The following ADORA2A variants were observed in gnomAD, a reference collection of about 807,000 sequenced individuals.
The protein encoded by ADORA2A is adenosine receptor A2a.
In ADORA2A, 11 loss-of-function variants were observed where a neutral mutation model predicts 18.4. The observed-to-expected ratio is 0.60, with a 90% CI of 0.38 to 0.99. The LOEUF (loss-of-function observed/expected upper bound fraction) is 0.99, where lower values mean the gene tolerates loss of function less well. Among genes scored for constraint, ADORA2A ranks in the 50% least tolerant of loss-of-function variants. The probability of loss-of-function intolerance (pLI) is 0.01; values close to 1 mark genes in which losing one functional copy is unlikely to be tolerated. For missense variants in ADORA2A, 449 were observed against 556.1 expected (o/e 0.81, Z 1.94); for synonymous variants, 218 against 237.3 (o/e 0.92, Z 0.75).
rs2043099408 is a variant in ADORA2A at position 24,433,527 on chromosome 22, C to G, written c.123C>G (p.Thr41=). 1 of 1,614,118 alleles carries G rather than the reference C, an allele frequency of 6.2e-7. No homozygotes were observed. The highest frequency in any genetic ancestry group is 1.7e-5 in the Admixed American group (1 of 60,014). Residue 41 remains threonine (T), a synonymous_variant, in exon 2 of 3, where the codon ACC becomes ACG. Coordinates refer to ENST00000337539, the MANE Select transcript of ADORA2A (RefSeq NM_000675.6). ...TCAACAGCAACCTGCAGAACGTCACCAACTACTTTGTGGTGTCACTGGCGG... is the reference window on the plus strand; with the variant it reads ...TCAACAGCAACCTGCAGAACGTCACGAACTACTTTGTGGTGTCACTGGCGG... ...VWLNSNLQNV[T]NYFVVSLAAA... is the part of the protein sequence containing the mutation.
rs1370633042 is a variant in ADORA2A, at chr22:24,433,517, A to T, written c.113A>T (p.Gln38Leu). 6.2e-7 allele frequency: 1 copy of T among 1,614,234 alleles called. No homozygotes were observed. The highest frequency in any genetic ancestry group is 8.5e-7 in the Non-Finnish European group (1 of 1,180,050). ...GCCGTGTGGCTCAACAGCAACCTGCAGAACGTCACCAACTACTTTGTGGTG... is the reference window on the plus strand; with the variant it reads ...GCCGTGTGGCTCAACAGCAACCTGCTGAACGTCACCAACTACTTTGTGGTG... ...CWAVWLNSNLQNVTNYFVVSL... is the reference protein window; with the variant it reads ...CWAVWLNSNLLNVTNYFVVSL... Residue 38 changes from glutamine (Q) to leucine (L), a missense_variant, in exon 2 of 3, where the codon CAG becomes CTG. Coordinates refer to ENST00000337539, the MANE Select transcript of ADORA2A (RefSeq NM_000675.6).
chr22:24,430,003 G>C (rs2042990434), intron 1 of ADORA2A: 1 of 152,320 alleles, frequency 6.6e-6, no homozygotes. Flanking sequence ...CTGTAAGTCA[G>C]GGTGCCCCCG....
upstream of ADORA2A, among the ~76,000 whole-genome samples, chr22:24,425,153 CG>C (rs1233031588): frequency 6.6e-6 from 1 of 151,958 alleles, no homozygotes; most frequent in African/African-American, 2.4e-5. Context: ...GGCACCCTGC[CG>C]ATACTCCATG....
At chr22:24,435,863 TGCA>T (rs2043160630) in intron 2 of ADORA2A, among the ~76,000 whole-genome samples, 1 of 152,214 alleles carries the variant, frequency 6.6e-6, no homozygotes, top group Admixed American at 6.5e-5. Context: ...CATGAGGCTC[TGCA>T]AGGCTTAGGC....
In ADORA2A at chr22:24,427,643, C is replaced by T. The variant is rs965358771; in HGVS notation, c.-378C>T. ...AGGGACTGTGACATGGAGCAGGAGC[C>T]GCCCCCAGCCAAGCTGCTTTCAGCA... On this transcript the variant is annotated 5_prime_UTR_variant, in exon 1 of 3. Coordinates refer to ENST00000337539, the MANE Select transcript of ADORA2A (RefSeq NM_000675.6). 6.6e-6 allele frequency: 1 copy of T among 152,526 alleles called. No homozygotes were observed. The highest frequency in any genetic ancestry group is 2.4e-5 in the African/African-American group (1 of 41,582). 9.4% of individuals were successfully genotyped at this position (152,526 alleles called of 1,614,324 possible).
Position 24,433,733 on chromosome 22 carries a change from T to A in ADORA2A, c.329T>A (p.Leu110His). The change falls in exon 2 of 3, where the codon CTC becomes CAC. Residue 110 changes from leucine (L) to histidine (H), a missense_variant. Coordinates refer to ENST00000337539, the MANE Select transcript of ADORA2A (RefSeq NM_000675.6). Reference sequence around the variant, plus strand: ...CGCTACATTGCCATCCGCATCCCGCTCCGGTGAGCAGGGCCGGGGTTACAT... The same window carrying A: ...CGCTACATTGCCATCCGCATCCCGCACCGGTGAGCAGGGCCGGGGTTACAT... ...IDRYIAIRIP[L>H]RYNGLVTGTR... 1 of 1,604,656 alleles carries A rather than the reference T, an allele frequency of 6.2e-7. No homozygotes were observed. The highest frequency in any genetic ancestry group is 2.2e-5 in the East Asian group (1 of 44,868).
chr22:24,437,214 G>C (rs1223541545), intron 2 of ADORA2A, among the ~76,000 whole-genome samples: 3 of 152,226 alleles, frequency 2.0e-5, no homozygotes, highest in Non-Finnish European at 2.9e-5. Context: ...GGGACACAGA[G>C]CTGCAGAGGG....
At chr22:24,427,926 C>T (rs958232055) in intron 1 of ADORA2A, among the ~76,000 whole-genome samples, 180 bp downstream of exon 1, 1 of 152,196 alleles carries the variant, frequency 6.6e-6, no homozygotes, top group African/African-American at 2.4e-5. Flanking sequence ...GGAGCTGGGT[C>T]TTGGCCCCAT....
rs140385644 is a variant in ADORA2A at position 24,437,097 on chromosome 22, G to A, written c.332+3361G>A. Among the ~76,000 whole-genome samples, 109 of 152,314 alleles carry A rather than the reference G, an allele frequency of 7.2e-4. 1 individual carries two copies. The East Asian group carries it at 8.5e-3, about 12-fold the overall frequency. ...CCACCTACTCCTCAGGTTGGGACAT[G>A]TGCACATAAAGCCCCAGCTGGAATC... On this transcript the variant is annotated intron_variant, in intron 2 of 2. Transcript: ENST00000337539.
At chr22:24,424,312 C>A (rs111819122), upstream of ADORA2A, 1,816 of 151,066 alleles carry the variant, frequency 0.012, 18 homozygotes, top group Middle Eastern at 0.035. This position sits in a 1 kb window ranked among gnomAD's most constrained non-coding sequence, Gnocchi z 4.9. Flanking sequence ...AAGGCAAGTG[C>A]GGCGGCCGGC....
intron 2 of ADORA2A, among the ~76,000 whole-genome samples, chr22:24,440,080 C>T (rs1395825619): frequency 2.0e-5 from 3 of 152,158 alleles, no homozygotes; most frequent in African/African-American, 7.2e-5. Flanking sequence ...CTGGCTGGTG[C>T]TGCCCCTAGC....
intron 2 of ADORA2A, among the ~76,000 whole-genome samples, chr22:24,434,856 T>C (rs1036924841): frequency 2.0e-5 from 3 of 152,196 alleles, no homozygotes; most frequent in Non-Finnish European, 4.4e-5. Flanking sequence ...AAAATGAGCC[T>C]CAGAGAAGAC....
rs933463778 is a variant in ADORA2A at position 24,441,631 on chromosome 22, C to T, written c.*142C>T. 11 of 846,054 alleles carry T rather than the reference C, an allele frequency of 1.3e-5. No individual in the cohort carries two copies. The highest frequency in any genetic ancestry group is 7.4e-5 in the Admixed American group (2 of 27,184). 52.4% of individuals were successfully genotyped at this position (846,054 alleles called of 1,614,324 possible). A position where few individuals can be genotyped will look rare whatever the true frequency, so the allele number is the denominator to read the frequency against. ...CCTACTTTGGACTGAGAGAAGGGAGCCCCAGGCTGGAGCAGCATGAGGCCC... is the reference window on the plus strand; with the variant it reads ...CCTACTTTGGACTGAGAGAAGGGAGTCCCAGGCTGGAGCAGCATGAGGCCC... On this transcript the variant is annotated 3_prime_UTR_variant, in exon 3 of 3. Transcript: ENST00000337539.
chr22:24,427,915 G>A (rs1236139064), intron 1 of ADORA2A, among the ~76,000 whole-genome samples, 169 bp downstream of exon 1: 1 of 152,202 alleles, frequency 6.6e-6, no homozygotes, highest in Non-Finnish European at 1.5e-5. Context: ...TCCAGCTGCA[G>A]GGAGCTGGGT....
chr22:24,437,951 G>A (rs930583696), intron 2 of ADORA2A, among the ~76,000 whole-genome samples: 8 of 152,254 alleles, frequency 5.3e-5, no homozygotes, highest in Non-Finnish European at 1.2e-4. Flanking sequence ...GACTGCCTGG[G>A]AATGTGGGCG....
At chr22:24,440,184 C>A (rs1005635688) in intron 2 of ADORA2A, among the ~76,000 whole-genome samples, 1 of 152,160 alleles carries the variant, frequency 6.6e-6, no homozygotes, top group Non-Finnish European at 1.5e-5. Context: ...AAGGCTGCGA[C>A]CAACATGGAG....
chr22:24,435,437 A>T (rs144757353), intron 2 of ADORA2A, among the ~76,000 whole-genome samples: 1 of 152,202 alleles, frequency 6.6e-6, no homozygotes, highest in Non-Finnish European at 1.5e-5. Flanking sequence ...TCTCTGATTC[A>T]AAGGGTATGA....
chr22:24,425,346 C>CCG (rs1555876269), upstream of ADORA2A, among the ~76,000 whole-genome samples: 12 of 136,364 alleles, frequency 8.8e-5, no homozygotes, highest in Non-Finnish European at 1.6e-4. Flanking sequence ...CACCCCCCCC[C>CCG]CCCCCGCCCA....
chr22:24,433,424 C>T lies in ADORA2A; in HGVS notation c.20C>T (p.Ser7Leu), dbSNP rs764528797. 1.6e-5 allele frequency: 26 copies of T among 1,612,648 alleles called. No homozygotes were observed. The highest frequency in any genetic ancestry group is 1.2e-4 in the Admixed American group (7 of 59,882). ...GTGGCCATGCCCATCATGGGCTCCT[C>T]GGTGTACATCACGGTGGAGCTGGCC... Reference protein sequence around the residue: MPIMGSSVYITVELAIA... With the variant: MPIMGSLVYITVELAIA... The change falls in exon 2 of 3, where the codon TCG becomes TTG. Residue 7 changes from serine to leucine, a missense_variant. Coordinates refer to ENST00000337539, the MANE Select transcript of ADORA2A (RefSeq NM_000675.6).
Sources: gnomAD v4.1 joint callset for allele counts (sites outside exome capture counted in the v4.1 genomes callset) on GRCh38, gnomAD v4.1.1 for gene constraint, Gnocchi (gnomAD v3.1) non-coding constraint, MANE v1.5 for transcripts, NCBI Gene and HGNC (gene_info 2026-07-23, HGNC 2026-07-21) for gene names.